Variants in TMEM132D observed in about 807,000 individuals in gnomAD.
The protein encoded by TMEM132D is transmembrane protein 132D, also known as mature OL transmembrane protein.
In TMEM132D, 21 loss-of-function variants were observed where a neutral mutation model predicts 62.3. The ratio of observed to expected loss-of-function variants is 0.34; its 90% CI spans 0.24 to 0.49. TMEM132D has a LOEUF of 0.49. TMEM132D is among the 20% of genes least tolerant of loss of function. The probability of loss-of-function intolerance (pLI) is 0.99; values close to 1 mark genes in which losing one functional copy is unlikely to be tolerated. For synonymous variants in TMEM132D, 621 were observed against 575.6 expected (o/e 1.08, Z -1.13); for missense variants, 1,346 against 1,402.8 (o/e 0.96, Z 0.65).
rs531385910 is a variant in TMEM132D, at chr12:129,735,650, G to C, written c.80-34952C>G. On this transcript the variant is annotated intron_variant, in intron 1 of 8. Coordinates refer to ENST00000422113, the MANE Select transcript of TMEM132D (RefSeq NM_133448.3). ...TAAAAATAACGTAGAGTGCAAAAAGGTAAAAAGCCATAGAAAAAAAGAGCA... is the reference window on the plus strand; with the variant it reads ...TAAAAATAACGTAGAGTGCAAAAAGCTAAAAAGCCATAGAAAAAAAGAGCA... Among the ~76,000 whole-genome samples, 28 of 152,080 alleles carry C rather than the reference G, an allele frequency of 1.8e-4. 1 individual carries two copies. The highest frequency in any genetic ancestry group is 2.9e-5 in the Non-Finnish European group (2 of 67,972).
At chr12:129,692,711 C>T (rs1287702770) in intron 2 of TMEM132D, among the ~76,000 whole-genome samples, 3 of 152,128 alleles carry the variant, frequency 2.0e-5, no homozygotes, top group African/African-American at 7.2e-5. Context: ...CATGGATGGA[C>T]TTGGAAGCCA....
chr12:129,594,938 G>A (rs1878294046), intron 2 of TMEM132D, among the ~76,000 whole-genome samples: 1 of 152,184 alleles, frequency 6.6e-6, no homozygotes, highest in Non-Finnish European at 1.5e-5. Context: ...TTGTTCAATA[G>A]ACTCAGGGTT....
intron 1 of TMEM132D, among the ~76,000 whole-genome samples, chr12:129,851,163 A>G (rs1476206550): frequency 6.6e-6 from 1 of 152,226 alleles, no homozygotes; most frequent in Admixed American, 6.5e-5. Context: ...GTTCCTATCC[A>G]TAGGGAAAAC....
chr12:129,884,624 T>G (rs1227795026), intron 1 of TMEM132D, among the ~76,000 whole-genome samples: 2 of 152,264 alleles, frequency 1.3e-5, no homozygotes, highest in East Asian at 3.8e-4. Flanking sequence ...TATCAAGTGT[T>G]GGCAAGAATG....
intron 4 of TMEM132D, among the ~76,000 whole-genome samples, chr12:129,334,782 G>C (rs549424494): frequency 1.3e-5 from 2 of 152,228 alleles, no homozygotes; most frequent in Admixed American, 1.3e-4. Flanking sequence ...TAGAGACAAG[G>C]TTTCACCATG....
chr12:129,482,508 A>C (rs1325670986), intron 3 of TMEM132D, among the ~76,000 whole-genome samples: 1 of 152,214 alleles, frequency 6.6e-6, no homozygotes, highest in Non-Finnish European at 1.5e-5. Flanking sequence ...AAAATGGAAG[A>C]CTTCACCAGG....
chr12:129,686,632 A>G (rs1257733869), intron 2 of TMEM132D, among the ~76,000 whole-genome samples: 1 of 152,230 alleles, frequency 6.6e-6, no homozygotes, highest in East Asian at 1.9e-4. Context: ...ACTGAATCCC[A>G]TAGTCTAAGG....
chr12:129,312,050 T>C (rs946460801), intron 4 of TMEM132D, among the ~76,000 whole-genome samples: 1 of 152,156 alleles, frequency 6.6e-6, no homozygotes, highest in Non-Finnish European at 1.5e-5. Context: ...CTAGCTGCTA[T>C]AGAGGGAATG....
chr12:129,680,881 AG>A (rs1273915571), intron 2 of TMEM132D, among the ~76,000 whole-genome samples: 6 of 152,214 alleles, frequency 3.9e-5, no homozygotes, highest in African/African-American at 1.4e-4. Context: ...AGGCATGGCA[AG>A]GGCTACCTGG....
chr12:129,770,140 G>GGTTTTT (rs1555230635), intron 1 of TMEM132D, among the ~76,000 whole-genome samples: 3 of 104,310 alleles, frequency 2.9e-5, no homozygotes, highest in Admixed American at 2.4e-4. Context: ...GGTTTTTTTG[G>GGTTTTT]TTGTTTTTTT....
chr12:129,276,441 T>C (rs566751618), intron 4 of TMEM132D, among the ~76,000 whole-genome samples: 14 of 152,370 alleles, frequency 9.2e-5, no homozygotes, highest in African/African-American at 2.9e-4. Context: ...CAGGGATTTA[T>C]GGAATTTGTC....
chr12:129,702,469 A>G (rs264463), intron 1 of TMEM132D, among the ~76,000 whole-genome samples: 7,802 of 152,300 alleles, frequency 0.051, 549 homozygotes, highest in African/African-American at 0.15. Flanking sequence ...AAAACAAAGA[A>G]GAGACAAAGA....
At chr12:129,685,833 T>C (rs2137212377) in intron 2 of TMEM132D, among the ~76,000 whole-genome samples, 1 of 152,344 alleles carries the variant, frequency 6.6e-6, no homozygotes, top group Admixed American at 6.5e-5. Flanking sequence ...TGCATCAGTG[T>C]GATCTGGATG....
At chr12:129,502,298 C>G (rs7295505) in intron 3 of TMEM132D, among the ~76,000 whole-genome samples, 2,203 of 152,234 alleles carry the variant, frequency 0.014, 58 homozygotes, top group African/African-American at 0.05. Flanking sequence ...GGCGCCCGGC[C>G]TTCTGTGACT....
At chr12:129,680,762 T>G (rs1234303236) in intron 2 of TMEM132D, among the ~76,000 whole-genome samples, 2 of 152,102 alleles carry the variant, frequency 1.3e-5, no homozygotes, top group Admixed American at 1.3e-4. Flanking sequence ...ACAGCCCAAG[T>G]ATGAATAAAC....
intron 2 of TMEM132D, among the ~76,000 whole-genome samples, chr12:129,594,248 G>A (rs1878273418): frequency 6.6e-6 from 1 of 152,166 alleles, no homozygotes; most frequent in Non-Finnish European, 1.5e-5. Context: ...AAGCCATATG[G>A]CCTCCTTGAA....
intron 6 of TMEM132D, 47 bp downstream of exon 6, chr12:129,084,450 G>A (rs753203016): frequency 1.7e-5 from 26 of 1,535,436 alleles, no homozygotes; most frequent in South Asian, 2.6e-5. Flanking sequence ...TTACCACCCC[G>A]TACACTTCCT....
Position 129,588,740 on chromosome 12 carries a change from ATTTTTTTCTTT to A in TMEM132D, c.969-57546_969-57536del, listed in dbSNP as rs1307991293. ...CAGGCACCTGCCACCACGCCCAGCT[ATTTTTTTCTTT>A]TTTTTTTTTTTTTTGTATTTTTAGT... On this transcript the variant is annotated intron_variant, in intron 2 of 8. Transcript: ENST00000422113. 3.5e-4 allele frequency among the ~76,000 whole-genome samples: 11 copies of A among 31,122 alleles called. No individual in the cohort carries two copies. The South Asian group carries it at 0.02, about 56-fold the overall frequency. The allele number at this position is 31,122 out of a possible 152,430, so 20.4% of individuals were successfully genotyped here.
At chr12:129,537,158 TA>T (rs10635477) in intron 2 of TMEM132D, among the ~76,000 whole-genome samples, 40 of 114,324 alleles carry the variant, frequency 3.5e-4, no homozygotes, top group Non-Finnish European at 4.8e-4. Flanking sequence ...AAACTCTGTC[TA>T]AAAAAAAAAA....
Sources: gnomAD v4.1 joint callset for allele counts (sites outside exome capture counted in the v4.1 genomes callset) on GRCh38, gnomAD v4.1.1 for gene constraint, MANE v1.5 for transcripts, NCBI Gene and HGNC (gene_info 2026-07-23, HGNC 2026-07-21) for gene names.